PLA1A: variants seen among roughly 807,000 people sequenced by gnomAD.
PLA1A encodes phosphatidylserine-specific phospholipase A1alpha.
Under a neutral mutation model 49.4 loss-of-function variants are expected in PLA1A, and 47 were observed. The observed-to-expected ratio is 0.95, with a 90% confidence interval of 0.75 to 1.21. The LOEUF (loss-of-function observed/expected upper bound fraction) is 1.21. PLA1A is among the 50% of genes most tolerant of loss of function. The pLI, the probability that PLA1A is intolerant of heterozygous loss-of-function variation, is 0.00. For synonymous variants in PLA1A, 224 were observed against 207.9 expected, an observed-to-expected ratio of 1.08 and a Z score of -0.67; for missense variants, 561 against 563.9, an observed-to-expected ratio of 0.99 and a Z score of 0.05.
At chr3:119,614,666 G>A (rs144890119) in intron 5 of PLA1A, among the ~76,000 whole-genome samples, 6 of 149,672 alleles carry the variant, frequency 4.0e-5, no homozygotes, top group African/African-American at 1.5e-4. Flanking sequence ...CTAAATATGT[G>A]ACTTATTAGG....
At chr3:119,607,324 G>C (rs1441894450) in intron 2 of PLA1A, among the ~76,000 whole-genome samples, 1 of 152,062 alleles carries the variant, frequency 6.6e-6, no homozygotes, top group African/African-American at 2.4e-5. Flanking sequence ...TCCATTTATG[G>C]GTGCTACTTC....
chr3:119,608,226 GAGAGAGAAAGAAAGAGAGAA>G (rs2082715701), intron 2 of PLA1A, among the ~76,000 whole-genome samples: 1 of 109,782 alleles, frequency 9.1e-6, no homozygotes, highest in Non-Finnish European at 2.0e-5. Flanking sequence ...AAGAAAGAAA[GAGAGAGAAAGAAAGAGAGAA>G]AGAAAGAAAG....
At chr3:119,602,577 C>A (rs1344359442) in intron 1 of PLA1A, among the ~76,000 whole-genome samples, 1 of 152,000 alleles carries the variant, frequency 6.6e-6, no homozygotes, top group Non-Finnish European at 1.5e-5. Context: ...GCTCATTATT[C>A]TTTTCAAAGA....
chr3:119,623,723 T>TC (rs1560087919), intron 8 of PLA1A, among the ~76,000 whole-genome samples: 23 of 136,944 alleles, frequency 1.7e-4, no homozygotes, highest in African/African-American at 5.8e-4. Flanking sequence ...CTTTCTTTTT[T>TC]TTTTTTTTTT....
rs750058337 is a variant in PLA1A, at chr3:119,626,895, G to A, written c.1121+1663G>A. On this transcript the variant is annotated intron_variant, in intron 9 of 10. Coordinates refer to ENST00000273371, the MANE Select transcript of PLA1A (RefSeq NM_015900.4). ...AAGCCAAGTACCTTTCATTAGACCCGCTCAAGGTTGTGCTACTTCTAGAAG... is the reference window on the plus strand; with the variant it reads ...AAGCCAAGTACCTTTCATTAGACCCACTCAAGGTTGTGCTACTTCTAGAAG... Among the ~76,000 whole-genome samples the A allele has an allele frequency of 7.2e-5, 11 of 152,216 alleles. No individual in the cohort carries two copies. In the East Asian group the frequency reaches 1.4e-3, roughly 19 times the overall value.
Position 119,628,778 on chromosome 3 carries a change from A to T in PLA1A, c.1199A>T (p.Lys400Met), listed in dbSNP as rs757958971. ...PQCQINQVKF[K>M]FQSSNRVWKK... ...TGCCAGATAAACCAAGTGAAATTCA[A>T]GTTTCAGTCTTCCAACCGAGTTTGG... Residue 400 changes from lysine to methionine, a missense_variant, in exon 10 of 11, where the codon AAG becomes ATG. Lys to Met is a moderately conservative substitution (Grantham distance 95). Transcript: ENST00000273371. The T allele has an allele frequency of 1.4e-5, 22 of 1,613,972 alleles. No homozygotes were observed. The highest frequency in any genetic ancestry group is 6.7e-5 in the East Asian group (3 of 44,900).
chr3:119,606,226 C>T lies in PLA1A; in HGVS notation c.74-548C>T, dbSNP rs570626764. ...ATCAAGATGTTGGCAGTGTTAGTTC[C>T]TTCAGGGCAATGAGCAAAGGATCTG... On this transcript the variant is annotated intron_variant, in intron 1 of 10. Transcript: ENST00000273371. 3.9e-5 allele frequency among the ~76,000 whole-genome samples: 6 copies of T among 152,358 alleles called. No individual in the cohort carries two copies. In the East Asian group the frequency reaches 1.2e-3, roughly 29 times the overall value.
intron 1 of PLA1A, among the ~76,000 whole-genome samples, chr3:119,603,744 C>G (rs539982278): frequency 8.8e-4 from 134 of 152,302 alleles, no homozygotes; most frequent in Non-Finnish European, 1.5e-3. Flanking sequence ...AGGGCTCCAC[C>G]AAAGGGATGT....
chr3:119,605,526 G>A (rs2082674809), intron 1 of PLA1A, among the ~76,000 whole-genome samples: 1 of 152,200 alleles, frequency 6.6e-6, no homozygotes, highest in Non-Finnish European at 1.5e-5. Context: ...CTCAACAAAG[G>A]GGCTCACACA....
chr3:119,627,148 C>T (rs953051260), intron 9 of PLA1A, among the ~76,000 whole-genome samples: 1 of 152,204 alleles, frequency 6.6e-6, no homozygotes, highest in Non-Finnish European at 1.5e-5. Context: ...CACAGATTAG[C>T]GCTTCCTCCT....
chr3:119,597,950 G>C lies in PLA1A; in HGVS notation c.37G>C (p.Gly13Arg). 6.2e-7 allele frequency: 1 copy of C among 1,610,828 alleles called. No individual in the cohort carries two copies. Among genetic ancestry groups the C allele is most frequent in the Non-Finnish European group, 8.5e-7 (1 of 1,178,540 alleles). The change falls in exon 1 of 11, where the codon GGG becomes CGG. Residue 13 changes from glycine to arginine, a missense_variant. Coordinates refer to ENST00000273371, the MANE Select transcript of PLA1A (RefSeq NM_015900.4). ...PGPWESCFWV[G>R]GLILWLSVGS... ...TCCCTGGGAGAGCTGCTTCTGGGTG[G>C]GGGGCCTCATTTTGTGGCTCAGCGT...
chr3:119,613,523 C>T (rs556369342), intron 5 of PLA1A, among the ~76,000 whole-genome samples: 1 of 152,336 alleles, frequency 6.6e-6, no homozygotes, highest in Non-Finnish European at 1.5e-5. Context: ...ATTCCACTCC[C>T]CAGGCAGGCA....
In PLA1A at chr3:119,622,382, C is replaced by T. The variant is rs190793645; in HGVS notation, c.1012+2730C>T. ...CATCCTTTCCAGTTCAGCCCTTGCC[C>T]GTCCCCATAACAATTGATATCCCAT... is the stretch of plus-strand genomic sequence containing the variant. On this transcript the variant is annotated intron_variant, in intron 8 of 10. Coordinates refer to ENST00000273371, the MANE Select transcript of PLA1A (RefSeq NM_015900.4). 1.0e-3 allele frequency among the ~76,000 whole-genome samples: 152 copies of T among 152,254 alleles called. 1 individual carries two copies. In the East Asian group the frequency reaches 0.017, roughly 17 times the overall value.
chr3:119,598,126 A>G (rs543948270), intron 1 of PLA1A, 140 bp downstream of exon 1: 41 of 513,832 alleles, frequency 8.0e-5, no homozygotes, highest in East Asian at 6.9e-4. Flanking sequence ...ACAGTAGGGG[A>G]AAAAAACCCC....
intron 1 of PLA1A, among the ~76,000 whole-genome samples, chr3:119,600,951 C>T (rs2082610329): frequency 6.6e-6 from 1 of 152,212 alleles, no homozygotes; most frequent in Non-Finnish European, 1.5e-5. Context: ...GCATGCGTGG[C>T]AGAGCCACCC....
chr3:119,601,744 A>G (rs1444037017), intron 1 of PLA1A, among the ~76,000 whole-genome samples: 2 of 152,254 alleles, frequency 1.3e-5, no homozygotes, highest in Admixed American at 6.5e-5. Context: ...TAATAGAAGC[A>G]GTGATAGCAG....
chr3:119,615,366 G>A (rs1206208042), intron 5 of PLA1A, among the ~76,000 whole-genome samples: 1 of 152,172 alleles, frequency 6.6e-6, no homozygotes, highest in Non-Finnish European at 1.5e-5. Flanking sequence ...GTGGAAATGT[G>A]ACCCCATACA....
At chr3:119,616,558 G>T (rs962143512) in intron 6 of PLA1A, among the ~76,000 whole-genome samples, 17 of 152,114 alleles carry the variant, frequency 1.1e-4, no homozygotes, top group African/African-American at 4.1e-4. Flanking sequence ...GACTAAATTT[G>T]TCAAAATCTA....
At chr3:119,605,232 G>T (rs1216555214) in intron 1 of PLA1A, among the ~76,000 whole-genome samples, 2 of 152,344 alleles carry the variant, frequency 1.3e-5, no homozygotes, top group East Asian at 1.9e-4. Context: ...CTCAGAGTGG[G>T]CTTCATCCCA....
Sources: allele counts gnomAD v4.1 joint callset (sites outside exome capture counted in the v4.1 genomes callset), GRCh38; gene constraint gnomAD v4.1.1; transcripts MANE v1.5; gene names NCBI Gene and HGNC (gene_info 2026-07-23, HGNC 2026-07-21).